IGF1R: variants seen among roughly 807,000 people sequenced by gnomAD.
IGF1R encodes insulin like growth factor 1 receptor.
A neutral mutation model predicts 144.6 loss-of-function variants in IGF1R; 44 were observed. The observed-to-expected ratio is 0.30, with a 90% confidence interval of 0.24 to 0.39. The LOEUF (loss-of-function observed/expected upper bound fraction) is 0.39, where lower values mean the gene tolerates loss of function less well. Among genes scored for constraint, IGF1R ranks in the 10% least tolerant of loss-of-function variants. The pLI is 1.00. For synonymous variants in IGF1R, 795 were observed against 722.8 expected (o/e 1.10, Z -1.60); for missense variants, 1,355 against 1,833.7 (o/e 0.74, Z 4.77).
At chr15:98,655,652 A>G (rs1204794565) in intron 1 of IGF1R, among the ~76,000 whole-genome samples, 2 of 152,132 alleles carry the variant, frequency 1.3e-5, no homozygotes, top group Non-Finnish European at 2.9e-5. Flanking sequence ...ATTAAAAAAA[A>G]AAATAAAACG....
intron 1 of IGF1R, among the ~76,000 whole-genome samples, chr15:98,692,424 C>T (rs961082750): frequency 2.6e-5 from 4 of 152,136 alleles, no homozygotes; most frequent in Non-Finnish European, 4.4e-5. Flanking sequence ...TTTACTGTAG[C>T]CTTGAACTCT....
chr15:98,918,063 T>C (rs556056458), intron 10 of IGF1R, among the ~76,000 whole-genome samples: 4 of 152,368 alleles, frequency 2.6e-5, no homozygotes, highest in Non-Finnish European at 5.9e-5. Context: ...ACAATTTTTT[T>C]TTCCTTTCAA....
intron 2 of IGF1R, among the ~76,000 whole-genome samples, chr15:98,849,546 G>T (rs1241778323): frequency 6.6e-6 from 1 of 152,128 alleles, no homozygotes; most frequent in Non-Finnish European, 1.5e-5. Flanking sequence ...AGCCAGAAAA[G>T]AAAACATTCA....
At chr15:98,726,716 T>C (rs2054370552) in intron 2 of IGF1R, among the ~76,000 whole-genome samples, 1 of 136,112 alleles carries the variant, frequency 7.3e-6, no homozygotes, top group Admixed American at 7.0e-5. Context: ...TTGATGATTT[T>C]TTTTTTTTTT....
intron 1 of IGF1R, among the ~76,000 whole-genome samples, chr15:98,672,978 A>G (rs773289280): frequency 6.6e-6 from 1 of 152,146 alleles, no homozygotes; most frequent in Admixed American, 6.6e-5. Context: ...AGACTGTCAC[A>G]TGGGAGCATC....
rs1416728454 is a variant in IGF1R, at chr15:98,648,859, G to A, written c.-723G>A. The A allele has an allele frequency of 6.9e-6, 1 of 145,884 alleles. No homozygotes were observed. 9.0% of individuals were successfully genotyped at this position (145,884 alleles called of 1,614,324 possible). On this transcript the variant is annotated 5_prime_UTR_variant, in exon 1 of 21. Transcript: ENST00000650285. The stretch of plus-strand genomic sequence containing the variant: ...CCGCGCAGAGCAGGCGGCGGCGGGC[G>A]GGGGCCGGGCGGGGGCCGGCGCGGG...
intron 5 of IGF1R, among the ~76,000 whole-genome samples, 160 bp downstream of exon 5, chr15:98,899,781 G>C (rs1316651260): frequency 6.6e-6 from 1 of 152,214 alleles, no homozygotes; most frequent in Admixed American, 6.5e-5. Context: ...CTTGGGTGGA[G>C]TCATGGTTCT....
intron 1 of IGF1R, among the ~76,000 whole-genome samples, chr15:98,690,123 C>A (rs879732203): frequency 6.6e-6 from 1 of 152,130 alleles, no homozygotes; most frequent in Non-Finnish European, 1.5e-5. Flanking sequence ...AGGAGGATTT[C>A]TTGAGTCCAG....
chr15:98,683,486 C>T (rs1207147262), intron 1 of IGF1R, among the ~76,000 whole-genome samples: 1 of 152,180 alleles, frequency 6.6e-6, no homozygotes, highest in Non-Finnish European at 1.5e-5. Flanking sequence ...GTGGGCATTG[C>T]CCAGTTGTGT....
intron 2 of IGF1R, among the ~76,000 whole-genome samples, chr15:98,731,259 G>T (rs540115654): frequency 8.5e-4 from 129 of 152,332 alleles, no homozygotes; most frequent in African/African-American, 3.0e-3. Flanking sequence ...CCTTTCTTCA[G>T]TGTTATAGTT....
chr15:98,893,521 C>A (rs1439659245), intron 3 of IGF1R: 1 of 152,226 alleles, frequency 6.6e-6, no homozygotes, highest in Non-Finnish European at 1.5e-5. Context: ...ACACCTCGGG[C>A]CCAGGGGCAG....
At chr15:98,868,865 A>G (rs1274821723) in intron 2 of IGF1R, among the ~76,000 whole-genome samples, 1 of 152,162 alleles carries the variant, frequency 6.6e-6, no homozygotes, top group Non-Finnish European at 1.5e-5. Flanking sequence ...CCCTGCTAGT[A>G]CCTGCAGCTC....
At position 98,935,348 on chromosome 15, in the gene IGF1R, G is replaced by A. The variant is rs1158307323; in HGVS notation, c.3219G>A (p.Gln1073=). Residue 1073 remains glutamine (Q), a synonymous_variant, in exon 17 of 21, where the codon CAG becomes CAA. Coordinates refer to ENST00000650285, the MANE Select transcript of IGF1R (RefSeq NM_000875.5). The surrounding 1 kb of genome is among the most constrained non-coding windows in gnomAD (Gnocchi z 4.2). ...VRLLGVVSQG[Q]PTLVIMELMT... ...TGCTGGGTGTGGTGTCCCAAGGCCA[G>A]CCAACACTGGTCATCATGGAACTGA... The A allele has an allele frequency of 6.4e-7, 1 of 1,551,348 alleles. No individual in the cohort carries two copies. The highest frequency in any genetic ancestry group is 2.0e-5 in the Admixed American group (1 of 50,982).
chr15:98,687,692 G>A (rs2053364870), intron 1 of IGF1R, among the ~76,000 whole-genome samples: 1 of 152,200 alleles, frequency 6.6e-6, no homozygotes, highest in African/African-American at 2.4e-5. Context: ...GGGAGAGAGA[G>A]GTGGTGGTGT....
At chr15:98,953,962 G>A (rs2016878464) in intron 20 of IGF1R, among the ~76,000 whole-genome samples, 1 of 152,182 alleles carries the variant, frequency 6.6e-6, no homozygotes, top group Non-Finnish European at 1.5e-5. Flanking sequence ...TCCTGGCTGA[G>A]GCGTGGTTCC....
chr15:98,863,500 G>C (rs1004588703), intron 2 of IGF1R, among the ~76,000 whole-genome samples: 1 of 152,012 alleles, frequency 6.6e-6, no homozygotes, highest in Admixed American at 6.5e-5. Context: ...TTCTATTTCT[G>C]TTTTCTACAC....
rs1431751060 is a variant in IGF1R, at chr15:98,769,039, A to C, written c.640+60932A>C. ...GAAATGCAAATCCACTTAATATTTG[A>C]TGCAAAAAAATTTTATTTGACCTGT... is the stretch of plus-strand genomic sequence containing the variant. On this transcript the variant is annotated intron_variant, in intron 2 of 20. Transcript: ENST00000650285. 2.0e-5 allele frequency among the ~76,000 whole-genome samples: 3 copies of C among 152,234 alleles called. No homozygotes were observed. The East Asian group carries it at 5.8e-4, about 29-fold the overall frequency.
chr15:98,827,732 G>A (rs34565521), intron 2 of IGF1R, among the ~76,000 whole-genome samples: 4 of 152,116 alleles, frequency 2.6e-5, no homozygotes, highest in Non-Finnish European at 5.9e-5. Context: ...ACATGCGCAC[G>A]CCACCACACC....
chr15:98,765,715 CA>C lies in IGF1R; in HGVS notation c.640+57609del, dbSNP rs2055420531. Among the ~76,000 whole-genome samples the C allele has an allele frequency of 5.3e-5, 8 of 152,170 alleles. No homozygotes were observed. In the South Asian group the frequency reaches 1.7e-3, roughly 32 times the overall value. ...AAAAAGAAAAATATTCAAAACTTAC[CA>C]GCTGATCTTATGTTTCATTTAGAAT... is the stretch of plus-strand genomic sequence containing the variant. On this transcript the variant is annotated intron_variant, in intron 2 of 20. Transcript: ENST00000650285.
Sources: gnomAD v4.1 joint callset for allele counts (sites outside exome capture counted in the v4.1 genomes callset) on GRCh38, gnomAD v4.1.1 for gene constraint, Gnocchi (gnomAD v3.1) non-coding constraint, MANE v1.5 for transcripts, NCBI Gene and HGNC (gene_info 2026-07-23, HGNC 2026-07-21) for gene names.